Variants in SULF2 observed in about 807,000 individuals in gnomAD.
SULF2 encodes the protein sulfatase 2, also known as extracellular sulfatase Sulf-2.
Under a neutral mutation model 107.7 loss-of-function variants are expected in SULF2, and 52 were observed. The observed-to-expected ratio is 0.48, with a 90% confidence interval of 0.39 to 0.61. SULF2 has a LOEUF of 0.61. Ranked by LOEUF, SULF2 falls within the 20% of genes least tolerant of loss-of-function variation. The probability of loss-of-function intolerance (pLI) is 0.00; values close to 1 mark genes in which losing one functional copy is unlikely to be tolerated. For synonymous variants in SULF2, 460 were observed against 464.3 expected (o/e 0.99, Z 0.12); for missense variants, 993 against 1,177.3 (o/e 0.84, Z 2.29).
rs766788297 is a variant in SULF2 at position 47,748,927 on chromosome 20, T to C, written c.175+8262A>G. Among the ~76,000 whole-genome samples the C allele has an allele frequency of 2.6e-5, 4 of 152,214 alleles. No homozygotes were observed. The East Asian group carries it at 5.8e-4, about 22-fold the overall frequency. On this transcript the variant is annotated intron_variant, in intron 2 of 20. Coordinates refer to ENST00000688720, the MANE Select transcript of SULF2 (RefSeq NM_001387048.1). ...TAAACCGTCTTCCAATGATTCAAAT[T>C]TGCATGTGCTTTATAATTCTCGCTG...
intron 1 of SULF2, among the ~76,000 whole-genome samples, chr20:47,771,104 G>A (rs905646400): frequency 6.6e-6 from 1 of 152,164 alleles, no homozygotes; most frequent in Non-Finnish European, 1.5e-5. Flanking sequence ...GGGCAGCCAC[G>A]TGGGCCTCCC....
intron 1 of SULF2, among the ~76,000 whole-genome samples, chr20:47,770,400 G>A (rs901674443): frequency 2.0e-5 from 3 of 152,068 alleles, no homozygotes; most frequent in Non-Finnish European, 4.4e-5. Flanking sequence ...ACTATGTGAG[G>A]GGAACAGACT....
intron 17 of SULF2, among the ~76,000 whole-genome samples, chr20:47,662,734 G>A (rs1052963336): frequency 6.6e-5 from 10 of 152,188 alleles, no homozygotes; most frequent in Admixed American, 1.3e-4. Flanking sequence ...GCCCTGCAGT[G>A]GGTGATATTT....
intron 3 of SULF2, among the ~76,000 whole-genome samples, chr20:47,713,147 G>T (rs1390329774): frequency 6.6e-6 from 1 of 152,230 alleles, no homozygotes; most frequent in Non-Finnish European, 1.5e-5. Flanking sequence ...AGGCAGGGCT[G>T]CCAACCTGAA....
chr20:47,685,115 G>C (rs1178953297), intron 5 of SULF2: 2 of 152,336 alleles, frequency 1.3e-5, no homozygotes, highest in Non-Finnish European at 2.9e-5. Flanking sequence ...TTTTGCAATA[G>C]ATTTTAGTTT....
chr20:47,683,160 T>C lies in SULF2; in HGVS notation c.898A>G (p.Met300Val), dbSNP rs1381300441. Residue 300 changes from methionine (M) to valine (V), a missense_variant, in exon 7 of 21, where the codon ATG becomes GTG. Coordinates refer to ENST00000688720, the MANE Select transcript of SULF2 (RefSeq NM_001387048.1). ...TCCAGCTCGCCCGTCTCAACCAGCA[T>C]GTTGTAAATCTGCAACACGGGCGAG... ...VDDSMETIYN[M>V]LVETGELDNT... The C allele has an allele frequency of 3.8e-6, 6 of 1,599,492 alleles. No homozygotes were observed. The highest frequency in any genetic ancestry group is 5.1e-6 in the Non-Finnish European group (6 of 1,168,856).
Position 47,666,551 on chromosome 20 carries a change from C to T in SULF2, c.1577-63G>A. 1.5e-6 allele frequency: 2 copies of T among 1,344,828 alleles called. No individual in the cohort carries two copies. Among genetic ancestry groups the T allele is most frequent in the Non-Finnish European group, 2.1e-6 (2 of 959,784 alleles). 83.3% of individuals were successfully genotyped at this position (1,344,828 alleles called of 1,614,324 possible). The stretch of plus-strand genomic sequence containing the variant: ...GGAAAGGCTGGCCAGGCTCCCAGGG[C>T]AGTGGGTCCTTCATCAAGATAGGGC... On this transcript the variant is annotated intron_variant, in intron 11 of 20. Transcript: ENST00000688720. This position sits in a 1 kb window ranked among gnomAD's most constrained non-coding sequence, Gnocchi z 5.4.
intron 1 of SULF2, among the ~76,000 whole-genome samples, chr20:47,762,621 C>A (rs1350603773): frequency 2.2e-4 from 33 of 152,228 alleles, no homozygotes; most frequent in Admixed American, 2.2e-3. Context: ...AAGAGTCTCC[C>A]AGCCTCAGTT....
intron 1 of SULF2, 63 bp from the exon 2 acceptor site, chr20:47,757,526 A>C: frequency 1.2e-6 from 1 of 806,986 alleles, no homozygotes; most frequent in South Asian, 2.0e-5. Context: ...TCATTCTTGC[A>C]TAATGATTTG....
intron 18 of SULF2, among the ~76,000 whole-genome samples, chr20:47,660,732 CA>C (rs1415287436): frequency 6.6e-6 from 1 of 152,118 alleles, no homozygotes; most frequent in Non-Finnish European, 1.5e-5. Context: ...CTCAGCCTTC[CA>C]AAGCCCTGGA....
At chr20:47,715,396 G>T (rs1175526686) in intron 3 of SULF2, among the ~76,000 whole-genome samples, 1 of 152,080 alleles carries the variant, frequency 6.6e-6, no homozygotes, top group African/African-American at 2.4e-5. Flanking sequence ...TCCCACCAGA[G>T]TACCAGCCCC....
intron 3 of SULF2, among the ~76,000 whole-genome samples, chr20:47,719,038 C>T (rs1488451435): frequency 6.6e-6 from 1 of 152,190 alleles, no homozygotes; most frequent in Admixed American, 6.5e-5. Context: ...CTAGCATCCC[C>T]TTCAATTATG....
At chr20:47,742,760 GT>G (rs1251442363) in intron 2 of SULF2, among the ~76,000 whole-genome samples, 2 of 152,130 alleles carry the variant, frequency 1.3e-5, no homozygotes, top group Non-Finnish European at 2.9e-5. Context: ...CATCCAGTAA[GT>G]CCATCGTTGA....
At chr20:47,673,018 C>T (rs2087528097) in intron 10 of SULF2, among the ~76,000 whole-genome samples, 1 of 152,222 alleles carries the variant, frequency 6.6e-6, no homozygotes, top group Admixed American at 6.5e-5. Context: ...GCAGTGTGTG[C>T]AGAGGCTCCA....
At chr20:47,704,219 G>A (rs2088656504) in intron 3 of SULF2, among the ~76,000 whole-genome samples, 1 of 152,078 alleles carries the variant, frequency 6.6e-6, no homozygotes, top group East Asian at 1.9e-4. Flanking sequence ...AAAGCTCTGT[G>A]ATAAGGAGAC....
intron 1 of SULF2, among the ~76,000 whole-genome samples, chr20:47,773,580 G>A (rs1187187926): frequency 4.6e-5 from 7 of 152,262 alleles, no homozygotes; most frequent in Admixed American, 1.3e-4. Flanking sequence ...CTTTCTGGCT[G>A]TTTAGAGGAA....
intron 8 of SULF2, chr20:47,677,808 T>TA (rs2087699499): frequency 6.5e-6 from 1 of 152,728 alleles, no homozygotes; most frequent in South Asian, 2.1e-4. Flanking sequence ...CATGTCCATT[T>TA]TATACCATTA....
At chr20:47,719,106 T>C (rs2089212344) in intron 3 of SULF2, among the ~76,000 whole-genome samples, 2 of 152,248 alleles carry the variant, frequency 1.3e-5, no homozygotes, top group African/African-American at 4.8e-5. Context: ...TCATATCACA[T>C]TGTAGTCAAC....
At position 47,665,949 on chromosome 20, in the gene SULF2, A is replaced by G. The variant is rs751794012; in HGVS notation, c.1810T>C (p.Tyr604His). The G allele has an allele frequency of 1.2e-6, 2 of 1,613,874 alleles. No homozygotes were observed. The highest frequency in any genetic ancestry group is 1.1e-5 in the South Asian group (1 of 91,078). ...TGGACTGTGTCGTTCTCTAGGATGTAGCACCTGCTTGAGAGAAGGGATCAC... is the reference window on the plus strand; with the variant it reads ...TGGACTGTGTCGTTCTCTAGGATGTGGCACCTGCTTGAGAGAAGGGATCAC... ...ANPIKVTHRC[Y>H]ILENDTVQCD... The change falls in exon 13 of 21, where the codon TAC (tyrosine) becomes CAC (histidine). Residue 604 changes from tyrosine (Y) to histidine (H), a missense_variant. Transcript: ENST00000688720.
Sources: allele counts gnomAD v4.1 joint callset (sites outside exome capture counted in the v4.1 genomes callset), GRCh38; gene constraint gnomAD v4.1.1; non-coding constraint Gnocchi (gnomAD v3.1); transcripts MANE v1.5; gene names NCBI Gene and HGNC (gene_info 2026-07-23, HGNC 2026-07-21).